BBS4: variants seen among roughly 807,000 people sequenced by gnomAD.
The protein encoded by BBS4 is Bardet-Biedl syndrome 4, also known as BBSome complex member BBS4.
BBS4 carries 58 observed loss-of-function variants against 71.4 expected under a neutral mutation model. The observed-to-expected ratio is 0.81, with a 90% confidence interval of 0.66 to 1.01. The LOEUF (loss-of-function observed/expected upper bound fraction) is 1.01. BBS4 is among the 50% of genes least tolerant of loss of function. The pLI is 0.00. For missense variants in BBS4, 660 were observed against 607.9 expected, an observed-to-expected ratio of 1.09 and a Z score of -0.90; for synonymous variants, 228 against 216.8, an observed-to-expected ratio of 1.05 and a Z score of -0.46.
chr15:72,686,613 G>A, intron 1 of BBS4: 1 of 1,303,754 alleles, frequency 7.7e-7, no homozygotes, highest in Non-Finnish European at 1.0e-6. Flanking sequence ...CCGTGAATTG[G>A]GAATTTAACA....
chr15:72,735,193 T>C lies in BBS4; in HGVS notation c.1106+11T>C, dbSNP rs1555502295. On this transcript the variant is annotated intron_variant, in intron 13 of 15. Coordinates refer to ENST00000268057, the MANE Select transcript of BBS4 (RefSeq NM_033028.5). ...AGTCCACCTGGATAAGTATGCACTT[T>C]GTTGAGAATGGTACTGGCGGGGGTT... The C allele has an allele frequency of 1.2e-6, 2 of 1,609,234 alleles. No homozygotes were observed. Among genetic ancestry groups the C allele is most frequent in the Non-Finnish European group, 1.7e-6 (2 of 1,175,872 alleles).
Position 72,731,577 on chromosome 15 carries a change from C to G in BBS4, c.887C>G (p.Ala296Gly). Reference sequence around the variant, plus strand: ...TAGGCCATCAGCTGCCTGAAACGAGCCAACTACTTGGCACCCTTTGATTGG... The same window carrying G: ...TAGGCCATCAGCTGCCTGAAACGAGGCAACTACTTGGCACCCTTTGATTGG... ...YVAAISCLKR[A>G]NYLAPFDWKI... The change falls in exon 12 of 16, where the codon GCC becomes GGC. Residue 296 changes from alanine to glycine, a missense_variant. By Grantham distance (60) the Ala-to-Gly change is moderately conservative. Coordinates refer to ENST00000268057, the MANE Select transcript of BBS4 (RefSeq NM_033028.5). 6.2e-7 allele frequency: 1 copy of G among 1,614,166 alleles called. No homozygotes were observed. The highest frequency in any genetic ancestry group is 8.5e-7 in the Non-Finnish European group (1 of 1,180,046).
intron 8 of BBS4, among the ~76,000 whole-genome samples, chr15:72,726,490 G>T (rs1042334311): frequency 1.3e-5 from 2 of 152,118 alleles, no homozygotes; most frequent in African/African-American, 4.8e-5. Flanking sequence ...AGAATGTCTG[G>T]TCTGTGGTTC....
At chr15:72,698,038 G>A (rs1299317434) in intron 2 of BBS4, 1 of 455,848 alleles carries the variant, frequency 2.2e-6, no homozygotes, top group Non-Finnish European at 4.4e-6. Flanking sequence ...CATCATTGAG[G>A]TGAGCGAACT....
At chr15:72,701,280 G>A (rs1000088038) in intron 2 of BBS4, among the ~76,000 whole-genome samples, 1 of 152,156 alleles carries the variant, frequency 6.6e-6, no homozygotes, top group African/African-American at 2.4e-5. Context: ...ATTCATTTAT[G>A]TTGTTGCATG....
chr15:72,686,615 A>G (rs1460556862), intron 1 of BBS4: 1 of 1,286,660 alleles, frequency 7.8e-7, no homozygotes, highest in Non-Finnish European at 1.0e-6. Flanking sequence ...GTGAATTGGG[A>G]ATTTAACATG....
intron 6 of BBS4, among the ~76,000 whole-genome samples, chr15:72,719,407 A>G (rs2065524698): frequency 1.3e-5 from 2 of 151,668 alleles, no homozygotes; most frequent in South Asian, 4.2e-4. Context: ...GGTGCAAGCC[A>G]CCATGCCTGG....
chr15:72,737,008 A>C (rs1251264493), intron 15 of BBS4, 45 bp downstream of exon 15: 4 of 1,590,130 alleles, frequency 2.5e-6, no homozygotes, highest in African/African-American at 2.7e-5. Flanking sequence ...GGTACAAGCC[A>C]CATGTGTCTG....
At chr15:72,725,794 TCTTCCCCCATCCCCCTTCCCCCATCCCC>T (rs757824858) in intron 8 of BBS4, among the ~76,000 whole-genome samples, 1 of 18,688 alleles carries the variant, frequency 5.4e-5, no homozygotes, top group African/African-American at 2.2e-4. Flanking sequence ...CCTCCTTCCC[TCTTCCCCCATCCCCCTTCCCCCATCCCC>T]CTTTCCCCAT....
intron 2 of BBS4, among the ~76,000 whole-genome samples, chr15:72,708,589 A>C (rs2065308377): frequency 1.3e-5 from 2 of 152,206 alleles, no homozygotes; most frequent in South Asian, 4.1e-4. Context: ...TTAGGGAACA[A>C]GGGAAGACAA....
chr15:72,698,945 A>C (rs566651451), intron 2 of BBS4, among the ~76,000 whole-genome samples: 114 of 152,330 alleles, frequency 7.5e-4, no homozygotes, highest in African/African-American at 2.5e-3. Context: ...TAAAGTCTAC[A>C]TGAAACCACT....
intron 15 of BBS4, 101 bp from the exon 16 acceptor site, chr15:72,737,377 C>G: frequency 9.8e-7 from 1 of 1,025,126 alleles, no homozygotes; most frequent in Non-Finnish European, 1.5e-6. Flanking sequence ...CCCACTGGTT[C>G]CAGAAAATAT....
chr15:72,688,224 G>GTC (rs1290671798), intron 1 of BBS4, among the ~76,000 whole-genome samples: 3 of 151,814 alleles, frequency 2.0e-5, no homozygotes, highest in Non-Finnish European at 4.4e-5. Flanking sequence ...ACATTTGAAT[G>GTC]TCTAATACTG....
intron 1 of BBS4, among the ~76,000 whole-genome samples, chr15:72,694,695 A>G (rs1234987589): frequency 6.6e-6 from 1 of 152,216 alleles, no homozygotes; most frequent in Non-Finnish European, 1.5e-5. Context: ...AAGTTGAGAA[A>G]AGAAAAATTC....
chr15:72,735,872 A>C lies in BBS4; in HGVS notation c.1154A>C (p.Gln385Pro), dbSNP rs1478129239. The C allele has an allele frequency of 6.2e-7, 1 of 1,614,082 alleles. No individual in the cohort carries two copies. Among genetic ancestry groups the C allele is most frequent in the African/African-American group, 1.3e-5 (1 of 74,930 alleles). ...NLNYAVLLYN[Q>P]GEKKNALAQY... ...AACTATGCTGTGCTGCTGTACAACC[A>C]GGGCGAGAAGAAGAACGCCCTGGCC... Residue 385 changes from glutamine (Q) to proline (P), a missense_variant, in exon 14 of 16, where the codon CAG becomes CCG. Gln to Pro is a moderately conservative substitution (Grantham distance 76). Coordinates refer to ENST00000268057, the MANE Select transcript of BBS4 (RefSeq NM_033028.5).
chr15:72,695,041 ACT>A (rs565159314), intron 1 of BBS4, 134 bp from the exon 2 acceptor site: 288 of 633,488 alleles, frequency 4.5e-4, no homozygotes, highest in East Asian at 1.8e-3. Flanking sequence ...ATTTAAAGTA[ACT>A]CTATCACAAT....
intron 12 of BBS4, among the ~76,000 whole-genome samples, chr15:72,733,383 T>G (rs893191763): frequency 1.3e-5 from 2 of 152,054 alleles, no homozygotes; most frequent in Non-Finnish European, 2.9e-5. Flanking sequence ...TTGTACAGAT[T>G]ATTTCATCAC....
rs1441322612 is a variant in BBS4 at position 72,698,933 on chromosome 15, C to T, written c.76+3705C>T. On this transcript the variant is annotated intron_variant, in intron 2 of 15. Transcript: ENST00000268057. Reference sequence around the variant, plus strand: ...GTAATTTAGTTGTTACCTAATTCACCCTAAAGTCTACATGAAACCACTGTC... The same window carrying T: ...GTAATTTAGTTGTTACCTAATTCACTCTAAAGTCTACATGAAACCACTGTC... Among the ~76,000 whole-genome samples, 3 of 148,144 alleles carry T rather than the reference C, an allele frequency of 2.0e-5. No individual in the cohort carries two copies. The East Asian group carries it at 5.8e-4, about 29-fold the overall frequency.
intron 5 of BBS4, 48 bp from the exon 6 acceptor site, chr15:72,716,730 C>A: frequency 7.3e-7 from 1 of 1,366,022 alleles, no homozygotes; most frequent in Non-Finnish European, 1.0e-6. Context: ...TAGGGTTAGT[C>A]TTCTAAGAAT....
Sources: allele counts gnomAD v4.1 joint callset (sites outside exome capture counted in the v4.1 genomes callset), GRCh38; gene constraint gnomAD v4.1.1; transcripts MANE v1.5; gene names NCBI Gene and HGNC (gene_info 2026-07-23, HGNC 2026-07-21).